Variants in MED12L observed in about 807,000 individuals in gnomAD.
MED12L encodes the protein mediator of RNA polymerase II transcription subunit 12-like protein.
MED12L carries 60 observed loss-of-function variants against 281.3 expected under a neutral mutation model. That is an observed-to-expected ratio of 0.21 (90% CI 0.17 to 0.26). MED12L has a LOEUF of 0.26. MED12L is among the 10% of genes least tolerant of loss of function. MED12L has a pLI of 1.00. For synonymous variants in MED12L, 974 were observed against 987.2 expected (o/e 0.99, Z 0.25); for missense variants, 2,146 against 2,680.9 (o/e 0.80, Z 4.41).
At chr3:151,297,905 A>G (rs1745324492) in intron 16 of MED12L, among the ~76,000 whole-genome samples, 1 of 152,032 alleles carries the variant, frequency 6.6e-6, no homozygotes, top group Non-Finnish European at 1.5e-5. Context: ...CCTGGTTATT[A>G]CTTCATTCAC....
chr3:151,093,774 AT>A (rs1441071579), intron 2 of MED12L, among the ~76,000 whole-genome samples: 1 of 152,216 alleles, frequency 6.6e-6, no homozygotes, highest in Non-Finnish European at 1.5e-5. Context: ...GCTTTGTTCC[AT>A]GAAGCCATTC....
At chr3:151,414,817 T>TG (rs56091927) in intron 42 of MED12L, among the ~76,000 whole-genome samples, 42,341 of 152,112 alleles carry the variant, frequency 0.28, 7,257 homozygotes, top group Non-Finnish European at 0.38. Context: ...TTGTTTCCAA[T>TG]GGTAAAAGCT....
chr3:151,129,237 T>A (rs559935724), intron 5 of MED12L, among the ~76,000 whole-genome samples: 1 of 152,302 alleles, frequency 6.6e-6, no homozygotes, highest in South Asian at 2.1e-4. Context: ...GTGGTGTGAT[T>A]GGAGCACACT....
intron 36 of MED12L, among the ~76,000 whole-genome samples, chr3:151,386,540 C>T (rs1490360861): frequency 6.6e-6 from 1 of 151,462 alleles, no homozygotes; most frequent in Non-Finnish European, 1.5e-5. Flanking sequence ...CAGACATGCA[C>T]CACCAGGCCC....
rs771930207 is a variant in MED12L at position 151,087,003 on chromosome 3, C to T, written c.77C>T (p.Pro26Leu). Reference sequence around the variant, plus strand: ...CGGCTCGGGCCGCCCGACGTCTACCCACAGGACCCCAAGCAGAAGGAGGTA... The same window carrying T: ...CGGCTCGGGCCGCCCGACGTCTACCTACAGGACCCCAAGCAGAAGGAGGTA... ...RPRLGPPDVYPQDPKQKEDEL... is the reference protein window; with the variant it reads ...RPRLGPPDVYLQDPKQKEDEL... The change falls in exon 2 of 45, where the codon CCA becomes CTA. Residue 26 changes from proline to leucine, a missense_variant. Around this residue, in one of 9 missense-constraint regions of MED12L, gnomAD observed 44 missense variants for 39.7 expected, o/e 1.11. Coordinates refer to ENST00000687756, the MANE Select transcript of MED12L (RefSeq NM_001393769.1). 1.1e-5 allele frequency: 17 copies of T among 1,609,914 alleles called. No homozygotes were observed. Among genetic ancestry groups the T allele is most frequent in the Non-Finnish European group, 1.3e-5 (15 of 1,178,904 alleles).
At chr3:151,188,122 C>T (rs1412200149) in intron 12 of MED12L, 8 of 299,366 alleles carry the variant, frequency 2.7e-5, no homozygotes, top group Admixed American at 9.0e-5. Flanking sequence ...CCACCCTGAA[C>T]GCGCCCGATC....
At chr3:151,333,632 T>C (rs1038052508) in intron 16 of MED12L, among the ~76,000 whole-genome samples, 7 of 152,236 alleles carry the variant, frequency 4.6e-5, no homozygotes, top group Non-Finnish European at 8.8e-5. Flanking sequence ...TGTCCATATA[T>C]TTTTGAGCAT....
At chr3:151,235,088 A>G (rs1035161220) in intron 16 of MED12L, among the ~76,000 whole-genome samples, 5 of 152,226 alleles carry the variant, frequency 3.3e-5, no homozygotes, top group Non-Finnish European at 5.9e-5. Context: ...AGGCAAACCA[A>G]TATTCCTTGT....
intron 16 of MED12L, chr3:151,278,251 C>T (rs1053813648): frequency 3.9e-5 from 6 of 152,234 alleles, no homozygotes; most frequent in African/African-American, 1.4e-4. Context: ...CATTCACATA[C>T]ATGCAAGTCA....
Position 151,436,498 on chromosome 3 carries a change from A to C in MED12L, c.*3694A>C, listed in dbSNP as rs1034770223. The C allele has an allele frequency of 1.1e-5, 5 of 466,648 alleles. No individual in the cohort carries two copies. Among genetic ancestry groups the C allele is most frequent in the East Asian group, 1.0e-4 (3 of 29,706 alleles). 28.9% of individuals were successfully genotyped at this position (466,648 alleles called of 1,614,324 possible). On this transcript the variant is annotated 3_prime_UTR_variant, in exon 45 of 45. Transcript: ENST00000687756. Reference sequence around the variant, plus strand: ...TGCCTTAAGTTAAAAGTTTGTTTTGAGATCCATTAAATAAATCAGTATCAT... The same window carrying C: ...TGCCTTAAGTTAAAAGTTTGTTTTGCGATCCATTAAATAAATCAGTATCAT...
At chr3:151,329,431 A>G (rs1401784324) in intron 16 of MED12L, 3 of 1,196,312 alleles carry the variant, frequency 2.5e-6, no homozygotes, top group South Asian at 2.7e-5. Context: ...CCTTAAGCAT[A>G]TTCTTTTATA....
chr3:151,279,935 G>T (rs1188197522), intron 16 of MED12L, among the ~76,000 whole-genome samples: 1 of 152,228 alleles, frequency 6.6e-6, no homozygotes, highest in African/African-American at 2.4e-5. Flanking sequence ...TCCCCGTGGG[G>T]TGTTTCACAT....
chr3:151,381,007 A>G (rs897146593), intron 32 of MED12L, among the ~76,000 whole-genome samples: 5 of 152,198 alleles, frequency 3.3e-5, no homozygotes, highest in African/African-American at 1.2e-4. Context: ...TTTAGAAATA[A>G]TTTGGACATT....
chr3:151,417,828 T>C (rs1049563809), intron 43 of MED12L, among the ~76,000 whole-genome samples: 1 of 152,204 alleles, frequency 6.6e-6, no homozygotes. Flanking sequence ...CCAGCTCTGA[T>C]TTAAAAATAT....
intron 16 of MED12L, among the ~76,000 whole-genome samples, chr3:151,310,978 G>A (rs1747418173): frequency 6.6e-6 from 1 of 152,198 alleles, no homozygotes; most frequent in South Asian, 2.1e-4. Context: ...CCCTGGCTGT[G>A]AGACAGTTAT....
In MED12L at chr3:151,376,168, C is replaced by A. The variant is rs769743820; in HGVS notation, c.4007C>A (p.Thr1336Asn). ...ICYPHGIKECTEGDNLQRQHI... is the reference protein window; with the variant it reads ...ICYPHGIKECNEGDNLQRQHI... ...TATCCTCATGGCATTAAAGAATGTA[C>A]CGAGGGGGACAATCTGCAAAGACAG... Residue 1336 changes from threonine (T) to asparagine (N), a missense_variant, in exon 28 of 45, where the codon ACC (threonine) becomes AAC (asparagine). Transcript: ENST00000687756. 1.2e-6 allele frequency: 2 copies of A among 1,605,584 alleles called. No homozygotes were observed. Among genetic ancestry groups the A allele is most frequent in the Admixed American group, 3.4e-5 (2 of 58,018 alleles).
intron 16 of MED12L, among the ~76,000 whole-genome samples, chr3:151,325,739 C>A (rs1315108786): frequency 6.6e-6 from 1 of 152,040 alleles, no homozygotes; most frequent in Non-Finnish European, 1.5e-5. Flanking sequence ...AAAGATCTTT[C>A]CCAAAAATTG....
At chr3:151,291,990 A>G (rs927246667) in intron 16 of MED12L, among the ~76,000 whole-genome samples, 2 of 152,228 alleles carry the variant, frequency 1.3e-5, no homozygotes, top group African/African-American at 4.8e-5. Flanking sequence ...ACTATATAGC[A>G]GTCTAATTTT....
chr3:151,186,889 C>T (rs1400971277), intron 12 of MED12L, among the ~76,000 whole-genome samples: 1 of 152,174 alleles, frequency 6.6e-6, no homozygotes, highest in African/African-American at 2.4e-5. Context: ...GTGTCCTTGG[C>T]ACAGAATAGT....
Sources: gnomAD v4.1 joint callset for allele counts (sites outside exome capture counted in the v4.1 genomes callset) on GRCh38, gnomAD v4.1.1 for gene constraint, gnomAD v4.1.1 regional missense constraint, MANE v1.5 for transcripts, NCBI Gene and HGNC (gene_info 2026-07-23, HGNC 2026-07-21) for gene names.